CELSR2: variants seen among roughly 807,000 people sequenced by gnomAD.
CELSR2 encodes the protein cadherin EGF LAG seven-pass G-type receptor 2.
Under a neutral mutation model 251.6 loss-of-function variants are expected in CELSR2, and 81 were observed. That is an observed-to-expected ratio of 0.32 (90% confidence interval 0.27 to 0.39). The LOEUF (loss-of-function observed/expected upper bound fraction) is 0.39. CELSR2 is among the 10% of genes least tolerant of loss of function. The pLI is 1.00. For missense variants in CELSR2, 3,365 were observed against 3,947.7 expected, an observed-to-expected ratio of 0.85 and a Z score of 3.96; for synonymous variants, 1,721 against 1,670.5, an observed-to-expected ratio of 1.03 and a Z score of -0.74.
chr1:109,271,616 T>C lies in CELSR2; in HGVS notation c.7820T>C (p.Leu2607Pro), dbSNP rs1557737384. Residue 2607 changes from leucine (L) to proline (P), a missense_variant, in exon 28 of 34, where the codon CTC becomes CCC. Leu to Pro is a moderately conservative substitution (Grantham distance 98). Around this residue, in one of 5 missense-constraint regions of CELSR2, gnomAD observed 2,093 missense variants for 2,382.8 expected, o/e 0.88. Transcript: ENST00000271332. ...CNCIQGPFIF[L>P]SYVVLSKEVR... Reference sequence around the variant, plus strand: ...GCCTGCCAGGGCCCCTTCATCTTCCTCTCCTATGTGGTGCTTAGCAAGGAG... The same window carrying C: ...GCCTGCCAGGGCCCCTTCATCTTCCCCTCCTATGTGGTGCTTAGCAAGGAG... 1 of 1,614,088 alleles carries C rather than the reference T, an allele frequency of 6.2e-7. No individual in the cohort carries two copies. The highest frequency in any genetic ancestry group is 8.5e-7 in the Non-Finnish European group (1 of 1,180,024).
chr1:109,271,795 TG>T, intron 28 of CELSR2, 73 bp downstream of exon 28: 1 of 1,548,452 alleles, frequency 6.5e-7, no homozygotes, highest in South Asian at 1.2e-5. Flanking sequence ...CCTGTACTTT[TG>T]GCCCCACTCC....
intron 2 of CELSR2, 96 bp downstream of exon 2, chr1:109,259,175 C>T: frequency 1.9e-5 from 21 of 1,099,938 alleles, no homozygotes; most frequent in Non-Finnish European, 2.7e-5. Flanking sequence ...GCCTCATTCT[C>T]TTCCCGAGTG....
At chr1:109,258,216 C>T (rs1557729673) in intron 1 of CELSR2, among the ~76,000 whole-genome samples, 1 of 152,104 alleles carries the variant, frequency 6.6e-6, no homozygotes, top group Admixed American at 6.5e-5. Flanking sequence ...AAGAGGTGTG[C>T]CGTGCATCAG....
At position 109,274,846 on chromosome 1, in the gene CELSR2, C is replaced by T. The variant is rs544918067; in HGVS notation, c.*797C>T. On this transcript the variant is annotated 3_prime_UTR_variant, in exon 34 of 34. Transcript: ENST00000271332. ...TTGCTCAGTTGCTGACCCAAAAGTG[C>T]TTCATTTTTCGTGCCCGCCCCGCGC... 6.5e-6 allele frequency: 1 copy of T among 152,804 alleles called. No individual in the cohort carries two copies. The highest frequency in any genetic ancestry group is 2.1e-4 in the South Asian group (1 of 4,824). The allele number at this position is 152,804 out of a possible 1,614,324, so 9.5% of individuals were successfully genotyped here.
chr1:109,264,172 G>A lies in CELSR2; in HGVS notation c.5096G>A (p.Trp1699Ter). 6.2e-7 allele frequency: 1 copy of A among 1,612,408 alleles called. No homozygotes were observed. Among genetic ancestry groups the A allele is most frequent in the Non-Finnish European group, 8.5e-7 (1 of 1,179,218 alleles). The change falls in exon 10 of 34, where the codon TGG (tryptophan) becomes TAG (stop). Residue 1699 changes from tryptophan (W) to a stop codon, truncating the protein, a stop_gained. Coordinates refer to ENST00000271332, the MANE Select transcript of CELSR2 (RefSeq NM_001408.3). LOFTEE classifies it high-confidence loss of function. ...LEPGRANDGD[W>*]HHAQLALGAS... ...CCAGGCCGGGCCAATGACGGTGACT[G>A]GCACCATGCACAGCTGGCACTGGGA...
At position 109,262,155 on chromosome 1, in the gene CELSR2, G is replaced by A. The variant is rs1377864176; in HGVS notation, c.4387-132G>A. Reference sequence around the variant, plus strand: ...ACATGCATAAACCACGTGAGCACACGTGTGTGTATATGCATGTGTGTACGT... The same window carrying A: ...ACATGCATAAACCACGTGAGCACACATGTGTGTATATGCATGTGTGTACGT... On this transcript the variant is annotated intron_variant, in intron 5 of 33. Transcript: ENST00000271332. 30 of 1,284,736 alleles carry A rather than the reference G, an allele frequency of 2.3e-5. No homozygotes were observed. The East Asian group carries it at 3.7e-4, about 16-fold the overall frequency. The allele number at this position is 1,284,736 out of a possible 1,614,324, so 79.6% of individuals were successfully genotyped here. A position where few individuals can be genotyped will look rare whatever the true frequency, so the allele number is the denominator to read the frequency against.
At position 109,269,303 on chromosome 1, in the gene CELSR2, G is replaced by A. The variant is rs757665484; in HGVS notation, c.6812+13G>A. The A allele has an allele frequency of 1.9e-5, 31 of 1,612,762 alleles. No homozygotes were observed. In the Middle Eastern group the frequency reaches 4.9e-4, roughly 26 times the overall value. On this transcript the variant is annotated intron_variant, in intron 20 of 33. Transcript: ENST00000271332. This position sits in a 1 kb window ranked among gnomAD's most constrained non-coding sequence, Gnocchi z 6.4. ...AGCGCAGCTTGAGGTCAGCAGCTAG[G>A]GGACAGGTGTGGGTAGGGGTATGGG...
Position 109,251,032 on chromosome 1 carries a change from C to A in CELSR2, c.953C>A (p.Ala318Asp). The change falls in exon 1 of 34, where the codon GCC becomes GAC. Residue 318 changes from alanine to aspartate, a missense_variant. By Grantham distance (126) the Ala-to-Asp change is moderately radical (BLOSUM62 -2). Around this residue, in one of 5 missense-constraint regions of CELSR2, gnomAD observed 704 missense variants for 784.1 expected, o/e 0.90. Coordinates refer to ENST00000271332, the MANE Select transcript of CELSR2 (RefSeq NM_001408.3). This position sits in a 1 kb window ranked among gnomAD's most constrained non-coding sequence, Gnocchi z 4.9. ...ACTGTCAGGGCCACGGATGGTGATG[C>A]CCCTCCCAATGCCAATATTCTGTAC... ...VLTVRATDGDAPPNANILYRL... is the reference protein window; with the variant it reads ...VLTVRATDGDDPPNANILYRL... The A allele has an allele frequency of 6.2e-7, 1 of 1,613,468 alleles. No individual in the cohort carries two copies. The highest frequency in any genetic ancestry group is 1.1e-5 in the South Asian group (1 of 91,062).
At chr1:109,260,533 G>A (rs1655989586) in intron 2 of CELSR2, among the ~76,000 whole-genome samples, 1 of 152,170 alleles carries the variant, frequency 6.6e-6, no homozygotes, top group African/African-American at 2.4e-5. Context: ...CCCCAGGGAG[G>A]GAAACTGATC....
At chr1:109,260,703 G>A (rs905700729) in intron 2 of CELSR2, among the ~76,000 whole-genome samples, 14 of 152,118 alleles carry the variant, frequency 9.2e-5, no homozygotes, top group African/African-American at 1.9e-4. Context: ...GAAGGCTCCC[G>A]GGATCCGGGC....
chr1:109,252,834 C>T lies in CELSR2; in HGVS notation c.2755C>T (p.Pro919Ser). 1 of 1,613,998 alleles carries T rather than the reference C, an allele frequency of 6.2e-7. No homozygotes were observed. The highest frequency in any genetic ancestry group is 8.5e-7 in the Non-Finnish European group (1 of 1,179,996). ...TGTGTTGGATGTGAATGACAATCCC[C>T]CTGTCTTTGAGCAGGATGAGTTTGA... ...VTVLDVNDNP[P>S]VFEQDEFDVF... The change falls in exon 1 of 34, where the codon CCT becomes TCT. Residue 919 changes from proline to serine, a missense_variant. Pro to Ser is a moderately conservative substitution (Grantham distance 74). Around this residue, in one of 5 missense-constraint regions of CELSR2, gnomAD observed 505 missense variants for 660.0 expected, o/e 0.77. Coordinates refer to ENST00000271332, the MANE Select transcript of CELSR2 (RefSeq NM_001408.3). This position sits in a 1 kb window ranked among gnomAD's most constrained non-coding sequence, Gnocchi z 4.8.
chr1:109,261,019 C>A lies in CELSR2; in HGVS notation c.3959-23C>A. The A allele has an allele frequency of 6.3e-7, 1 of 1,580,262 alleles. No homozygotes were observed. Among genetic ancestry groups the A allele is most frequent in the Non-Finnish European group, 8.6e-7 (1 of 1,156,116 alleles). On this transcript the variant is annotated intron_variant, in intron 2 of 33. Transcript: ENST00000271332. This position sits in a 1 kb window ranked among gnomAD's most constrained non-coding sequence, Gnocchi z 4.8. Reference sequence around the variant, plus strand: ...CTCCTGTCCTCAGGTACTTGGTACTCACCTGCCTTTCCTCTTGTCCAGGTG... The same window carrying A: ...CTCCTGTCCTCAGGTACTTGGTACTAACCTGCCTTTCCTCTTGTCCAGGTG...
In CELSR2 at chr1:109,252,915, A is replaced by G; in HGVS notation, c.2836A>G (p.Thr946Ala). Residue 946 changes from threonine to alanine, a missense_variant, in exon 1 of 34, where the codon ACT (threonine) becomes GCT (alanine). Transcript: ENST00000271332. The surrounding 1 kb of genome is among the most constrained non-coding windows in gnomAD (Gnocchi z 4.8). The part of the protein sequence containing the change: ...IGLAVARVTA[T>A]DPDEGTNAQI... ...GCTAGCCGTGGCCCGGGTCACAGCC[A>G]CTGACCCCGATGAAGGCACCAATGC... The G allele has an allele frequency of 6.2e-7, 1 of 1,612,702 alleles. No individual in the cohort carries two copies. The highest frequency in any genetic ancestry group is 8.5e-7 in the Non-Finnish European group (1 of 1,179,216).
Position 109,270,001 on chromosome 1 carries a change from G to T in CELSR2, c.7176G>T (p.Leu2392=). ...TAGGTGTCACCTTGGCTGCCCTTCT[G>T]CTCACCTTCTTCTTCCTCACTCTCT... ...VALGVTLAAL[L]LTFFFLTLLR... Residue 2392 remains leucine (L), a synonymous_variant, in exon 23 of 34, where the codon CTG becomes CTT. Transcript: ENST00000271332. The T allele has an allele frequency of 6.2e-7, 1 of 1,614,066 alleles. No individual in the cohort carries two copies. The highest frequency in any genetic ancestry group is 8.5e-7 in the Non-Finnish European group (1 of 1,180,012).
chr1:109,263,868 G>A, intron 9 of CELSR2, 91 bp downstream of exon 9: 3 of 1,501,598 alleles, frequency 2.0e-6, no homozygotes, highest in Non-Finnish European at 2.7e-6. Context: ...GCAGGTCCTG[G>A]GCAGGGGTGG....
At position 109,270,579 on chromosome 1, in the gene CELSR2, G is replaced by A. The variant is rs1434093428; in HGVS notation, c.7462G>A (p.Gly2488Ser). 1 of 1,614,076 alleles carries A rather than the reference G, an allele frequency of 6.2e-7. No individual in the cohort carries two copies. The highest frequency in any genetic ancestry group is 1.1e-5 in the South Asian group (1 of 91,082). Residue 2488 changes from glycine (G) to serine (S), a missense_variant, in exon 24 of 34, where the codon GGC (glycine) becomes AGC (serine). Physicochemically the swap from Gly to Ser is moderately conservative, Grantham distance 56. This residue lies in a region of CELSR2 where 2,093 missense variants were observed against 2,382.8 expected (regional missense o/e 0.88). Transcript: ENST00000271332. ...GCGCTTCTACTACATGCTGGGCTGG[G>A]GCGTGCCTGCCTTCATCACAGGTAC... ...PMRFYYMLGWGVPAFITGLAV... is the reference protein window; with the variant it reads ...PMRFYYMLGWSVPAFITGLAV...
intron 1 of CELSR2, among the ~76,000 whole-genome samples, chr1:109,254,251 G>A (rs113412529): frequency 2.0e-4 from 31 of 152,306 alleles, no homozygotes; most frequent in African/African-American, 7.5e-4. Context: ...CAGGCCAGTG[G>A]ACTGGTGAGC....
In CELSR2 at chr1:109,263,621, T is replaced by A. The variant is rs766748991; in HGVS notation, c.4845T>A (p.Asn1615Lys). 6.2e-7 allele frequency: 1 copy of A among 1,613,840 alleles called. No homozygotes were observed. The highest frequency in any genetic ancestry group is 1.1e-5 in the South Asian group (1 of 91,082). The change falls in exon 9 of 34, where the codon AAT (asparagine) becomes AAA (lysine). Residue 1615 changes from asparagine to lysine, a missense_variant. Asn to Lys is a moderately conservative substitution (Grantham distance 94, BLOSUM62 0). Transcript: ENST00000271332. ...GGKSCAQEMA[N>K]PQHFLGSSLV... ...TTCCTGCCTCCCCAGAAATGGCCAA[T>A]CCACAGCACTTCCTGGGCAGCAGCC...
In CELSR2 at chr1:109,265,291, A is replaced by G; in HGVS notation, c.5707A>G (p.Ser1903Gly). 6.2e-7 allele frequency: 1 copy of G among 1,608,172 alleles called. No homozygotes were observed. Among genetic ancestry groups the G allele is most frequent in the Non-Finnish European group, 8.5e-7 (1 of 1,176,736 alleles). ...CTTTGACCCAGACTGCAACAAGACAAGCGGCGAGTGCCACTGCAAGGTGAC... is the reference window on the plus strand; with the variant it reads ...CTTTGACCCAGACTGCAACAAGACAGGCGGCGAGTGCCACTGCAAGGTGAC... ...KGFDPDCNKT[S>G]GECHCKENHY... The change falls in exon 13 of 34, where the codon AGC (serine) becomes GGC (glycine). Residue 1903 changes from serine to glycine, a missense_variant. Around this residue, in one of 5 missense-constraint regions of CELSR2, gnomAD observed 2,093 missense variants for 2,382.8 expected, o/e 0.88. Transcript: ENST00000271332.
Sources: gnomAD v4.1 joint callset for allele counts (sites outside exome capture counted in the v4.1 genomes callset) on GRCh38, gnomAD v4.1.1 for gene constraint, gnomAD v4.1.1 regional missense constraint, Gnocchi (gnomAD v3.1) non-coding constraint, MANE v1.5 for transcripts, NCBI Gene and HGNC (gene_info 2026-07-23, HGNC 2026-07-21) for gene names.